Variants in CFAP58 observed in about 807,000 individuals in gnomAD.
CFAP58 encodes the protein cilia- and flagella-associated protein 58.
A neutral mutation model predicts 119.5 loss-of-function variants in CFAP58; 88 were observed. That is an observed-to-expected ratio of 0.74 (90% CI 0.62 to 0.88). CFAP58 has a LOEUF of 0.88. Among genes scored for constraint, CFAP58 ranks in the 40% least tolerant of loss-of-function variants. CFAP58 has a pLI of 0.00. For missense variants in CFAP58, 990 were observed against 1,021.2 expected, an observed-to-expected ratio of 0.97 and a Z score of 0.42; for synonymous variants, 365 against 366.3, an observed-to-expected ratio of 1.00 and a Z score of 0.04.
chr10:104,396,102 A>G (rs182170252), intron 11 of CFAP58, among the ~76,000 whole-genome samples: 2 of 152,146 alleles, frequency 1.3e-5, no homozygotes, highest in Non-Finnish European at 2.9e-5. Context: ...TCATCTGCCC[A>G]TTGTGTCCCA....
At position 104,403,755 on chromosome 10, in the gene CFAP58, A is replaced by G. The variant is rs1374509077; in HGVS notation, c.2066A>G (p.Glu689Gly). The G allele has an allele frequency of 1.9e-6, 3 of 1,611,540 alleles. No homozygotes were observed. The highest frequency in any genetic ancestry group is 1.1e-5 in the South Asian group (1 of 90,498). ...LRQEFFHMQR[E>G]LLKERTRCRA... ...CAGGAGTTTTTTCACATGCAAAGAGAATTGTTGAAGGAGAGGACACGCTGC... is the reference window on the plus strand; with the variant it reads ...CAGGAGTTTTTTCACATGCAAAGAGGATTGTTGAAGGAGAGGACACGCTGC... Residue 689 changes from glutamate to glycine, a missense_variant, in exon 14 of 18, where the codon GAA becomes GGA. Transcript: ENST00000369704.
In CFAP58 at chr10:104,358,532, A is replaced by C; in HGVS notation, c.201A>C (p.Leu67=). The part of the protein sequence containing the change: ...EKRLMAKCRE[L]NAEIVVNSAK... ...GTCTGATGGCCAAATGCAGAGAGCTAAATGCAGAGATTGTAGTGAATTCTG... is the reference window on the plus strand; with the variant it reads ...GTCTGATGGCCAAATGCAGAGAGCTCAATGCAGAGATTGTAGTGAATTCTG... The change falls in exon 2 of 18, where the codon CTA becomes CTC. Residue 67 remains leucine (L), a synonymous_variant. Coordinates refer to ENST00000369704, the MANE Select transcript of CFAP58 (RefSeq NM_001008723.2). 6.2e-7 allele frequency: 1 copy of C among 1,614,170 alleles called. No individual in the cohort carries two copies. The highest frequency in any genetic ancestry group is 1.1e-5 in the South Asian group (1 of 91,080).
rs563627658 is a variant in CFAP58 at position 104,373,742 on chromosome 10, A to T, written c.1090+2688A>T. 3.3e-5 allele frequency among the ~76,000 whole-genome samples: 5 copies of T among 152,062 alleles called. No homozygotes were observed. In the East Asian group the frequency reaches 9.6e-4, roughly 29 times the overall value. On this transcript the variant is annotated intron_variant, in intron 7 of 17. Coordinates refer to ENST00000369704, the MANE Select transcript of CFAP58 (RefSeq NM_001008723.2). ...ACATATGAAAATAGAAATGAAATAG[A>T]ATAGAAATGAAATAGAATAGAAAAT...
the CFAP58 span, among the ~76,000 whole-genome samples, chr10:104,347,046 C>T: frequency 6.6e-6 from 1 of 152,084 alleles, no homozygotes; most frequent in Non-Finnish European, 1.5e-5. Flanking sequence ...GAAGCACCAA[C>T]TGAATGATCT....
At chr10:104,433,554 G>C (rs1336707757) in intron 15 of CFAP58, among the ~76,000 whole-genome samples, 1 of 152,176 alleles carries the variant, frequency 6.6e-6, no homozygotes, top group Non-Finnish European at 1.5e-5. Flanking sequence ...AGATCAGGGA[G>C]TGACAGTGAT....
chr10:104,439,803 T>G (rs2013004982), intron 15 of CFAP58, among the ~76,000 whole-genome samples: 1 of 152,216 alleles, frequency 6.6e-6, no homozygotes, highest in Non-Finnish European at 1.5e-5. Context: ...TTCTTTAAAT[T>G]TGGAAGTGAC....
At chr10:104,411,555 T>G (rs1001700657) in intron 15 of CFAP58, among the ~76,000 whole-genome samples, 2 of 152,204 alleles carry the variant, frequency 1.3e-5, no homozygotes, top group Admixed American at 6.5e-5. Flanking sequence ...AAGCCTTTAT[T>G]TGGGGACTTG....
upstream of CFAP58, among the ~76,000 whole-genome samples, chr10:104,350,465 T>G (rs567060266): frequency 6.6e-6 from 1 of 152,212 alleles, no homozygotes; most frequent in African/African-American, 2.4e-5. Context: ...CAGCATAAAT[T>G]GATATGTCCG....
chr10:104,415,602 G>A (rs1021974400), intron 15 of CFAP58, among the ~76,000 whole-genome samples: 1 of 152,152 alleles, frequency 6.6e-6, no homozygotes, highest in Non-Finnish European at 1.5e-5. Flanking sequence ...AGGCATGTCA[G>A]CTCAAAATCA....
chr10:104,364,652 T>C (rs1432097082), intron 3 of CFAP58, 81 bp from the exon 4 acceptor site: 63 of 1,318,544 alleles, frequency 4.8e-5, no homozygotes, highest in Non-Finnish European at 5.8e-5. Context: ...ATCTTTCCCA[T>C]GAAAATGAAC....
upstream of CFAP58, among the ~76,000 whole-genome samples, chr10:104,352,704 A>G (rs1416078826): frequency 1.3e-5 from 2 of 152,224 alleles, no homozygotes; most frequent in African/African-American, 4.8e-5. Context: ...TCATGGCTGT[A>G]TTACTTGATG....
intron 15 of CFAP58, among the ~76,000 whole-genome samples, chr10:104,411,273 A>C (rs1034820557): frequency 5.9e-5 from 9 of 152,122 alleles, no homozygotes; most frequent in African/African-American, 1.7e-4. Context: ...ATCCACTGAG[A>C]TTTTATTTTC....
intron 15 of CFAP58, among the ~76,000 whole-genome samples, chr10:104,446,583 T>G (rs2133097198): frequency 6.6e-6 from 1 of 152,358 alleles, no homozygotes; most frequent in Middle Eastern, 3.4e-3. Flanking sequence ...TAGGTAAAAA[T>G]TAATATCCAT....
At chr10:104,365,777 T>A in intron 4 of CFAP58, 37 bp from the exon 5 acceptor site, 1 of 1,564,208 alleles carries the variant, frequency 6.4e-7, no homozygotes, top group Non-Finnish European at 8.6e-7. Context: ...TGGTCAGGGC[T>A]CATCTCTTTC....
chr10:104,343,868 G>A, the CFAP58 span, among the ~76,000 whole-genome samples: 1 of 152,136 alleles, frequency 6.6e-6, no homozygotes, highest in Non-Finnish European at 1.5e-5. Context: ...TCAGCCCTCT[G>A]AGTAGCTGGG....
intron 15 of CFAP58, among the ~76,000 whole-genome samples, chr10:104,443,248 C>T (rs1397562628): frequency 6.6e-6 from 1 of 152,004 alleles, no homozygotes; most frequent in African/African-American, 2.4e-5. Flanking sequence ...CTCTCAGAAG[C>T]AGTGGTTATT....
At chr10:104,361,841 A>G (rs919620165) in intron 2 of CFAP58, among the ~76,000 whole-genome samples, 182 bp from the exon 3 acceptor site, 3 of 152,198 alleles carry the variant, frequency 2.0e-5, no homozygotes, top group Non-Finnish European at 4.4e-5. Context: ...CTGTACCACC[A>G]CGTCCAGTCC....
intron 17 of CFAP58, among the ~76,000 whole-genome samples, chr10:104,451,647 G>A (rs1042055509): frequency 6.6e-6 from 1 of 152,220 alleles, no homozygotes; most frequent in Non-Finnish European, 1.5e-5. Flanking sequence ...TATCAAGGTT[G>A]TGCTCATAAA....
At chr10:104,359,057 C>T (rs1487226202) in intron 2 of CFAP58, among the ~76,000 whole-genome samples, 2 of 152,152 alleles carry the variant, frequency 1.3e-5, no homozygotes, top group Non-Finnish European at 2.9e-5. Flanking sequence ...ACCTTTCTTC[C>T]TAGCACCCCT....
Sources: allele counts gnomAD v4.1 joint callset (sites outside exome capture counted in the v4.1 genomes callset), GRCh38; gene constraint gnomAD v4.1.1; transcripts MANE v1.5; gene names NCBI Gene and HGNC (gene_info 2026-07-23, HGNC 2026-07-21).